Variants in PTPN21 observed in about 807,000 individuals in gnomAD.
PTPN21 encodes the protein protein tyrosine phosphatase non-receptor type 21, also known as tyrosine-protein phosphatase non-receptor type 21.
A neutral mutation model predicts 131.8 loss-of-function variants in PTPN21; 77 were observed. That is an observed-to-expected ratio of 0.58 (90% CI 0.49 to 0.71). The LOEUF is 0.71. Ranked by LOEUF, PTPN21 falls within the 30% of genes least tolerant of loss-of-function variation. The pLI, the probability that PTPN21 is intolerant of heterozygous loss-of-function variation, is 0.00. For missense variants in PTPN21, 1,552 were observed against 1,527.1 expected (o/e 1.02, Z -0.27); for synonymous variants, 715 against 621.3 (o/e 1.15, Z -2.24).
At chr14:88,492,807 C>T (rs1566822967) in intron 10 of PTPN21, 3 of 217,066 alleles carry the variant, frequency 1.4e-5, no homozygotes, top group African/African-American at 7.0e-5. Flanking sequence ...CTCTTCTCCC[C>T]TGTGACTCCC....
chr14:88,517,377 T>C, intron 2 of PTPN21, 116 bp from the exon 3 acceptor site: 1 of 1,147,544 alleles, frequency 8.7e-7, no homozygotes, highest in South Asian at 1.6e-5. Flanking sequence ...ATTGCCTTTC[T>C]TCTCAGAGAA....
intron 5 of PTPN21, among the ~76,000 whole-genome samples, chr14:88,504,717 G>A (rs181525959): frequency 5.3e-5 from 8 of 151,764 alleles, no homozygotes; most frequent in Non-Finnish European, 1.2e-4. Flanking sequence ...CTCAATTCCA[G>A]GGAAAGTTTC....
chr14:88,549,670 C>T (rs185559679), intron 2 of PTPN21, among the ~76,000 whole-genome samples: 2 of 152,176 alleles, frequency 1.3e-5, no homozygotes, highest in Admixed American at 1.3e-4. Flanking sequence ...GTGATCTCAG[C>T]TCACTGCAAC....
Position 88,472,241 on chromosome 14 carries a change from CA to C in PTPN21, c.2871+2del. 1 of 1,590,800 alleles carries C rather than the reference CA, an allele frequency of 6.3e-7. No individual in the cohort carries two copies. Among genetic ancestry groups the C allele is most frequent in the Non-Finnish European group, 8.6e-7 (1 of 1,159,360 alleles). On this transcript the variant is annotated splice_donor_variant, in intron 15 of 18. Coordinates refer to ENST00000556564, the MANE Select transcript of PTPN21 (RefSeq NM_007039.4). LOFTEE classifies it high-confidence loss of function. ...TGTTGATTACTTGAGGCGTTCCTCT[CA>C]CCTTAATATGTGATGCGTTGATGTA...
chr14:88,507,802 CA>C, intron 4 of PTPN21, 120 bp downstream of exon 4: 2 of 533,518 alleles, frequency 3.7e-6, no homozygotes, highest in Non-Finnish European at 6.2e-6. Flanking sequence ...CAGAATATTT[CA>C]CTAATATATA....
At chr14:88,497,162 T>C in intron 9 of PTPN21, 41 bp downstream of exon 9, 1 of 1,494,872 alleles carries the variant, frequency 6.7e-7, no homozygotes, top group South Asian at 1.1e-5. Context: ...TTGTTAACTT[T>C]TAGGAAAAAC....
Position 88,479,491 on chromosome 14 carries a change from A to C in PTPN21, c.1940T>G (p.Leu647Arg). The C allele has an allele frequency of 1.9e-6, 3 of 1,601,404 alleles. No individual in the cohort carries two copies. Among genetic ancestry groups the C allele is most frequent in the Non-Finnish European group, 2.5e-6 (3 of 1,179,112 alleles). The change falls in exon 13 of 19, where the codon CTG becomes CGG. Residue 647 changes from leucine to arginine, a missense_variant. By Grantham distance (102) the Leu-to-Arg change is moderately radical. Around this residue, in one of 4 missense-constraint regions of PTPN21, gnomAD observed 1,016 missense variants for 883.5 expected, o/e 1.15. Transcript: ENST00000556564. ...SIEVAGLSHG[L>R]EGLRLKERTL... is the part of the protein sequence containing the mutation. The stretch of plus-strand genomic sequence containing the variant: ...GCGCTCCTTGAGCCGCAGGCCCTCC[A>C]GGCCGTGGCTGAGCCCGGCCACCTC...
rs73314146 is a variant in PTPN21 at position 88,479,769 on chromosome 14, A to T, written c.1662T>A (p.Ser554=). ...ACACCTGCGTCCGCATGATGTTGGG[A>T]GACGGGTAGTCCTGCGCCTGCAGCT... ...NAQLQAQDYP[S]PNIMRTQVYR... Residue 554 remains serine (S), a synonymous_variant, in exon 13 of 19, where the codon TCT becomes TCA. Coordinates refer to ENST00000556564, the MANE Select transcript of PTPN21 (RefSeq NM_007039.4). 6 of 1,544,810 alleles carry T rather than the reference A, an allele frequency of 3.9e-6. No individual in the cohort carries two copies. In the African/African-American group the frequency reaches 8.2e-5, roughly 21 times the overall value.
chr14:88,497,499 G>A (rs73315985), intron 8 of PTPN21, among the ~76,000 whole-genome samples: 5,374 of 152,142 alleles, frequency 0.035, 319 homozygotes, highest in African/African-American at 0.12. Flanking sequence ...CCCAGGCGCA[G>A]TGGCTCACGC....
chr14:88,535,051 G>T (rs932312234), intron 2 of PTPN21, among the ~76,000 whole-genome samples: 1 of 151,996 alleles, frequency 6.6e-6, no homozygotes, highest in Non-Finnish European at 1.5e-5. Context: ...CTATACAGGT[G>T]TACCTTTTTA....
At chr14:88,515,262 T>TA (rs748922366) in intron 3 of PTPN21, 1 of 152,224 alleles carries the variant, frequency 6.6e-6, no homozygotes, top group Non-Finnish European at 1.5e-5. Flanking sequence ...GGTGCTCCTA[T>TA]ACCTAATCGA....
intron 10 of PTPN21, among the ~76,000 whole-genome samples, chr14:88,487,164 T>C (rs955222322): frequency 1.3e-5 from 2 of 151,744 alleles, no homozygotes; most frequent in Admixed American, 6.6e-5. Context: ...GGCAAGATTT[T>C]TTTTTCTTCT....
At chr14:88,549,765 A>ATTT (rs757588861) in intron 2 of PTPN21, among the ~76,000 whole-genome samples, 1 of 134,474 alleles carries the variant, frequency 7.4e-6, no homozygotes, top group Non-Finnish European at 1.6e-5. Flanking sequence ...CGCCCAGCCA[A>ATTT]TTTTTTTTTT....
chr14:88,493,647 T>C (rs1245974307), intron 10 of PTPN21, among the ~76,000 whole-genome samples: 3 of 152,162 alleles, frequency 2.0e-5, no homozygotes, highest in Admixed American at 6.5e-5. Context: ...ACAGATGAGA[T>C]AGGGCGTGGG....
chr14:88,507,206 A>C (rs758658544), intron 4 of PTPN21, among the ~76,000 whole-genome samples: 1 of 152,208 alleles, frequency 6.6e-6, no homozygotes. Context: ...ACTGACTGGC[A>C]TATCTTTCTT....
At chr14:88,525,418 T>C (rs771250552) in intron 2 of PTPN21, among the ~76,000 whole-genome samples, 9 of 152,038 alleles carry the variant, frequency 5.9e-5, no homozygotes, top group Non-Finnish European at 1.2e-4. Context: ...CTTACACACT[T>C]TTTGAAAAAA....
chr14:88,521,898 AT>A (rs1375545715), intron 2 of PTPN21, among the ~76,000 whole-genome samples: 2 of 152,208 alleles, frequency 1.3e-5, no homozygotes, highest in Non-Finnish European at 2.9e-5. Context: ...ATTTAAAAAA[AT>A]AACAGCTGAA....
intron 2 of PTPN21, among the ~76,000 whole-genome samples, chr14:88,518,880 C>T (rs770202824): frequency 2.0e-4 from 30 of 151,988 alleles, no homozygotes; most frequent in Admixed American, 2.6e-4. Context: ...TATTCAGATG[C>T]AATTCCAACT....
At chr14:88,513,849 T>C (rs1348036840) in intron 3 of PTPN21, 2 of 152,254 alleles carry the variant, frequency 1.3e-5, no homozygotes, top group African/African-American at 4.8e-5. Flanking sequence ...TTTTTGTCTG[T>C]TGGCATGAAG....
Sources: allele counts gnomAD v4.1 joint callset (sites outside exome capture counted in the v4.1 genomes callset), GRCh38; gene constraint gnomAD v4.1.1; regional missense constraint gnomAD v4.1.1; transcripts MANE v1.5; gene names NCBI Gene and HGNC (gene_info 2026-07-23, HGNC 2026-07-21).